CCDC149: variants seen among roughly 807,000 people sequenced by gnomAD.
CCDC149 encodes the protein coiled-coil domain containing 149, also known as coiled-coil domain-containing protein 149.
A neutral mutation model predicts 59.9 loss-of-function variants in CCDC149; 45 were observed. The observed-to-expected ratio is 0.75, with a 90% CI of 0.59 to 0.96. The LOEUF (loss-of-function observed/expected upper bound fraction) is 0.96. Among genes scored for constraint, CCDC149 ranks in the 40% least tolerant of loss-of-function variants. The probability of loss-of-function intolerance (pLI) is 0.00; values close to 1 mark genes in which losing one functional copy is unlikely to be tolerated. For missense variants in CCDC149, 584 were observed against 664.7 expected, an observed-to-expected ratio of 0.88 and a Z score of 1.33; for synonymous variants, 245 against 260.6, an observed-to-expected ratio of 0.94 and a Z score of 0.58.
At chr4:24,896,222 T>C (rs779510140) in intron 1 of CCDC149, among the ~76,000 whole-genome samples, 3 of 152,220 alleles carry the variant, frequency 2.0e-5, no homozygotes, top group Non-Finnish European at 4.4e-5. Context: ...ATGAGGTCAT[T>C]ACCACCTGCT....
intron 1 of CCDC149, among the ~76,000 whole-genome samples, chr4:24,890,713 A>G (rs1441220341): frequency 1.3e-5 from 2 of 152,300 alleles, no homozygotes; most frequent in Middle Eastern, 6.8e-3. Context: ...CATGTCTGAG[A>G]ACAGTCCCTG....
intron 1 of CCDC149, among the ~76,000 whole-genome samples, chr4:24,951,636 A>G (rs1723294962): frequency 6.6e-6 from 1 of 152,180 alleles, no homozygotes; most frequent in Admixed American, 6.5e-5. Flanking sequence ...CCGACCAAAT[A>G]CATTTCCCAT....
At position 24,811,047 on chromosome 4, in the gene CCDC149, G is replaced by A. The variant is rs141581911; in HGVS notation, c.1193-2228C>T. ...TATACAGATTTACTTGCCAAGTTGCGAGATTCTTTCTGATAATATGCACTA... is the reference window on the plus strand; with the variant it reads ...TATACAGATTTACTTGCCAAGTTGCAAGATTCTTTCTGATAATATGCACTA... On this transcript the variant is annotated intron_variant, in intron 12 of 12. Transcript: ENST00000635206. Among the ~76,000 whole-genome samples the A allele has an allele frequency of 3.7e-4, 57 of 152,276 alleles. 1 individual carries two copies. Among genetic ancestry groups the A allele is most frequent in the African/African-American group, 1.2e-3 (49 of 41,558 alleles).
At chr4:24,861,016 A>C (rs1364039521) in intron 3 of CCDC149, among the ~76,000 whole-genome samples, 1 of 152,186 alleles carries the variant, frequency 6.6e-6, no homozygotes, top group East Asian at 1.9e-4. Context: ...TGCTGGTGGG[A>C]ATGTAAACTA....
At position 24,837,103 on chromosome 4, in the gene CCDC149, T is replaced by G; in HGVS notation, c.662+125A>C. The G allele has an allele frequency of 1.1e-6, 1 of 871,978 alleles. No homozygotes were observed. The highest frequency in any genetic ancestry group is 1.7e-6 in the Non-Finnish European group (1 of 576,678). The allele number at this position is 871,978 out of a possible 1,614,324, so 54.0% of individuals were successfully genotyped here. A position where few individuals can be genotyped will look rare whatever the true frequency, so the allele number is the denominator to read the frequency against. On this transcript the variant is annotated intron_variant, in intron 6 of 12. Transcript: ENST00000635206. The surrounding 1 kb of genome is among the most constrained non-coding windows in gnomAD (Gnocchi z 4.3). ...CATTGATGTCATCATTTCGGGGGAG[T>G]GAGTTTCTTTTCACTTGTAAGGCAA...
At chr4:24,872,540 A>T (rs994549760) in intron 3 of CCDC149, among the ~76,000 whole-genome samples, 1 of 152,120 alleles carries the variant, frequency 6.6e-6, no homozygotes, top group Non-Finnish European at 1.5e-5. Context: ...AAGAGCATGC[A>T]CCCATAGAAT....
chr4:24,866,065 T>C (rs988690100), intron 3 of CCDC149, among the ~76,000 whole-genome samples: 7 of 152,176 alleles, frequency 4.6e-5, no homozygotes, highest in Admixed American at 2.0e-4. Flanking sequence ...AACCAGGACA[T>C]ATATACAAAG....
intron 1 of CCDC149, among the ~76,000 whole-genome samples, chr4:24,958,009 G>T (rs772607921): frequency 6.6e-6 from 1 of 152,218 alleles, no homozygotes; most frequent in Non-Finnish European, 1.5e-5. Context: ...AAAGGGGCTG[G>T]TGCCTCAGCC....
intron 2 of CCDC149, 36 bp from the exon 3 acceptor site, chr4:24,873,755 GA>G: frequency 6.6e-7 from 1 of 1,522,396 alleles, no homozygotes; most frequent in Non-Finnish European, 9.1e-7. Context: ...TACTCTTTTA[GA>G]AAAATAGATG....
intron 1 of CCDC149, among the ~76,000 whole-genome samples, chr4:24,900,342 T>C (rs1721094514): frequency 6.6e-6 from 1 of 152,176 alleles, no homozygotes; most frequent in African/African-American, 2.4e-5. Flanking sequence ...ATGGTGGCTC[T>C]CTCCTGACAT....
At chr4:24,920,523 G>A (rs1722255561) in intron 1 of CCDC149, among the ~76,000 whole-genome samples, 1 of 152,212 alleles carries the variant, frequency 6.6e-6, no homozygotes, top group East Asian at 1.9e-4. Flanking sequence ...CCCTGGAACT[G>A]GCATAGAGTC....
intron 1 of CCDC149, chr4:24,894,860 C>T (rs951935316): frequency 3.3e-5 from 38 of 1,154,910 alleles, no homozygotes; most frequent in Non-Finnish European, 4.4e-5. Context: ...CGCTGACACC[C>T]CTGCAGCCTG....
intron 3 of CCDC149, among the ~76,000 whole-genome samples, chr4:24,858,385 C>T (rs934108711): frequency 3.3e-5 from 5 of 152,242 alleles, no homozygotes; most frequent in Middle Eastern, 3.4e-3. Flanking sequence ...AAACATAAAA[C>T]GGTTTAAAAA....
In CCDC149 at chr4:24,881,515, T is replaced by C. The variant is rs1719839980; in HGVS notation, c.64-4818A>G. Among the ~76,000 whole-genome samples the C allele has an allele frequency of 1.3e-5, 2 of 152,272 alleles. 1 individual carries two copies. Among genetic ancestry groups the C allele is most frequent in the Non-Finnish European group, 2.9e-5 (2 of 68,050 alleles). ...CAGCAGACAACTGCCTGGAGAGCCA[T>C]TCGGGTCCACAGAGAACTTTGTGTG... is the stretch of plus-strand genomic sequence containing the variant. On this transcript the variant is annotated intron_variant, in intron 1 of 12. Coordinates refer to ENST00000635206, the MANE Select transcript of CCDC149 (RefSeq NM_001330643.2).
In CCDC149 at chr4:24,820,108, G is replaced by A. The variant is rs1715292503; in HGVS notation, c.1076-133C>T. ...CATTGAAGGGAAGCCTGCTACGACT[G>A]CTGACATGCTCCATACTTCCTTACA... On this transcript the variant is annotated intron_variant, in intron 11 of 12. Coordinates refer to ENST00000635206, the MANE Select transcript of CCDC149 (RefSeq NM_001330643.2). 1.1e-5 allele frequency: 7 copies of A among 634,800 alleles called. No individual in the cohort carries two copies. The South Asian group carries it at 1.3e-4, about 12-fold the overall frequency. The allele number at this position is 634,800 out of a possible 1,614,324, so 39.3% of individuals were successfully genotyped here.
At chr4:24,851,185 C>T (rs968027660) in intron 4 of CCDC149, among the ~76,000 whole-genome samples, 1 of 152,208 alleles carries the variant, frequency 6.6e-6, no homozygotes, top group African/African-American at 2.4e-5. Context: ...CAGACTGTGA[C>T]CACCTGTGCT....
At chr4:24,836,627 C>G in intron 6 of CCDC149, 119 bp from the exon 7 acceptor site, 1 of 641,688 alleles carries the variant, frequency 1.6e-6, no homozygotes, top group African/African-American at 1.8e-5. Flanking sequence ...ACACATAACA[C>G]CTTGCCTGCT....
intron 1 of CCDC149, among the ~76,000 whole-genome samples, chr4:24,955,807 T>C (rs918531007): frequency 9.2e-5 from 14 of 152,214 alleles, no homozygotes; most frequent in African/African-American, 3.1e-4. Context: ...ATGGTGGCAA[T>C]GGTATTAAAA....
At chr4:24,857,223 T>C (rs1718068545) in intron 3 of CCDC149, among the ~76,000 whole-genome samples, 1 of 152,176 alleles carries the variant, frequency 6.6e-6, no homozygotes, top group African/African-American at 2.4e-5. Context: ...AGCTACTGTA[T>C]GGGTAAACCA....
Sources: allele counts gnomAD v4.1 joint callset (sites outside exome capture counted in the v4.1 genomes callset), GRCh38; gene constraint gnomAD v4.1.1; non-coding constraint Gnocchi (gnomAD v3.1); transcripts MANE v1.5; gene names NCBI Gene and HGNC (gene_info 2026-07-23, HGNC 2026-07-21).